Variants in STK4 observed in about 807,000 individuals in gnomAD.
STK4 encodes serine/threonine kinase 4.
In STK4, 30 loss-of-function variants were observed where a neutral mutation model predicts 64.9. That is an observed-to-expected ratio of 0.46 (90% CI 0.35 to 0.63). The LOEUF (loss-of-function observed/expected upper bound fraction) is 0.63. Among genes scored for constraint, STK4 ranks in the 20% least tolerant of loss-of-function variants. STK4 has a pLI of 0.01. For synonymous variants in STK4, 177 were observed against 199.0 expected (o/e 0.89, Z 0.93); for missense variants, 466 against 598.5 (o/e 0.78, Z 2.31).
chr20:45,042,438 C>G (rs1251145485), intron 10 of STK4, among the ~76,000 whole-genome samples: 1 of 152,178 alleles, frequency 6.6e-6, no homozygotes, highest in Non-Finnish European at 1.5e-5. Context: ...AGCCCAGTGC[C>G]TCTGAAAGAA....
At chr20:45,011,063 CCT>C (rs1431964011) in intron 9 of STK4, among the ~76,000 whole-genome samples, 2 of 152,142 alleles carry the variant, frequency 1.3e-5, no homozygotes, top group Non-Finnish European at 1.5e-5. Context: ...ACTTGGAAAA[CCT>C]CTGTCTGGAT....
intron 9 of STK4, among the ~76,000 whole-genome samples, chr20:45,011,026 C>T (rs1601260605): frequency 6.6e-6 from 1 of 152,112 alleles, no homozygotes; most frequent in South Asian, 2.1e-4. Flanking sequence ...CATGTGAGAA[C>T]GAAAGAGGCA....
chr20:45,075,958 C>G lies in STK4; in HGVS notation c.*782C>G, dbSNP rs1708468637. 1 of 152,704 alleles carries G rather than the reference C, an allele frequency of 6.5e-6. No homozygotes were observed. Among genetic ancestry groups the G allele is most frequent in the Non-Finnish European group, 1.5e-5 (1 of 68,086 alleles). The allele number at this position is 152,704 out of a possible 1,614,324, so 9.5% of individuals were successfully genotyped here. ...CTCTCAACTGCCTAAAGTCACAGCA[C>G]AGATACTGCCCAGTGCCTTAAGAGG... On this transcript the variant is annotated 3_prime_UTR_variant, in exon 11 of 11. Transcript: ENST00000372806.
intron 5 of STK4, among the ~76,000 whole-genome samples, chr20:44,989,462 GTTA>G (rs954917620): frequency 3.3e-5 from 5 of 151,998 alleles, no homozygotes; most frequent in Non-Finnish European, 4.4e-5. Flanking sequence ...TATTTACCTT[GTTA>G]TTGTTGAATT....
intron 5 of STK4, among the ~76,000 whole-genome samples, chr20:44,990,595 C>T (rs1037388114): frequency 2.0e-5 from 3 of 152,134 alleles, no homozygotes; most frequent in African/African-American, 7.2e-5. Flanking sequence ...TTGTTGGCAG[C>T]TTTCTGGGAA....
rs71197599 is a variant in STK4 at position 45,062,989 on chromosome 20, C to CTTTTTTTTTTTTTTTTTTTTTTTTTTTT, written c.1306-12026_1306-11999dup. Reference sequence around the variant, plus strand: ...ACAGGTGTGAGCCACCGCACCCGGCCTTTTTTTTTTTTTTTTTTTTTTTTT... The same window carrying CTTTTTTTTTTTTTTTTTTTTTTTTTTTT: ...ACAGGTGTGAGCCACCGCACCCGGCCTTTTTTTTTTTTTTTTTTTTTTTTTTTTTTTTTTTTTTTTTTTTTTTTTTTTT... On this transcript the variant is annotated intron_variant, in intron 10 of 10. Coordinates refer to ENST00000372806, the MANE Select transcript of STK4 (RefSeq NM_006282.5). Among the ~76,000 whole-genome samples the CTTTTTTTTTTTTTTTTTTTTTTTTTTTT allele has an allele frequency of 6.3e-5, 2 of 31,500 alleles. 1 individual carries two copies. Among genetic ancestry groups the CTTTTTTTTTTTTTTTTTTTTTTTTTTTT allele is most frequent in the African/African-American group, 2.8e-4 (2 of 7,160 alleles). 20.7% of individuals were successfully genotyped at this position (31,500 alleles called of 152,430 possible). A position where few individuals can be genotyped will look rare whatever the true frequency, so the allele number is the denominator to read the frequency against.
At position 44,981,875 on chromosome 20, in the gene STK4, T is replaced by C. The variant is rs146109137; in HGVS notation, c.292T>C (p.Leu98=). Residue 98 remains leucine, a synonymous_variant, in exon 4 of 11, where the codon TTA becomes CTA. Transcript: ENST00000372806. ...TGGCAGTTATTTTAAGAACACAGAC[T>C]TATGGATCGTTATGGAGTACTGTGG... ...YYGSYFKNTD[L]WIVMEYCGAG... is the part of the protein sequence containing the mutation. 4.3e-6 allele frequency: 7 copies of C among 1,614,010 alleles called. No individual in the cohort carries two copies. In the African/African-American group the frequency reaches 8.0e-5, roughly 18 times the overall value.
intron 1 of STK4, chr20:44,967,312 C>A: frequency 1.2e-6 from 1 of 847,928 alleles, no homozygotes; most frequent in Non-Finnish European, 1.4e-6. Context: ...GATGGGGAGA[C>A]TGAGGTCCAG....
chr20:44,979,361 G>A (rs1302875624), intron 3 of STK4, among the ~76,000 whole-genome samples: 1 of 152,106 alleles, frequency 6.6e-6, no homozygotes, highest in Non-Finnish European at 1.5e-5. Context: ...TATTCTAGCT[G>A]AGAGTACCTA....
chr20:45,060,313 C>G (rs1436890152), intron 10 of STK4, among the ~76,000 whole-genome samples: 1 of 152,200 alleles, frequency 6.6e-6, no homozygotes, highest in Non-Finnish European at 1.5e-5. Context: ...TTTATTTAAC[C>G]TAATTTGATT....
intron 6 of STK4, among the ~76,000 whole-genome samples, chr20:44,996,298 C>G (rs1254055452): frequency 6.6e-6 from 1 of 152,044 alleles, no homozygotes; most frequent in Non-Finnish European, 1.5e-5. Context: ...CTTAACTGTC[C>G]CAGAACCCTT....
chr20:45,053,072 C>G, intron 10 of STK4: 1 of 1,591,628 alleles, frequency 6.3e-7, no homozygotes, highest in Non-Finnish European at 8.6e-7. Flanking sequence ...AGATTTTGTG[C>G]TCTTTTCTTT....
intron 9 of STK4, among the ~76,000 whole-genome samples, chr20:45,019,577 C>T (rs919699859): frequency 6.6e-6 from 1 of 152,154 alleles, no homozygotes; most frequent in Admixed American, 6.6e-5. Flanking sequence ...TTTAGCTTGA[C>T]AAATGCTGCT....
intron 10 of STK4, among the ~76,000 whole-genome samples, chr20:45,029,647 A>G (rs183582686): frequency 1.3e-5 from 2 of 152,322 alleles, no homozygotes; most frequent in East Asian, 3.9e-4. Flanking sequence ...CAGTGTTAGC[A>G]TCACCTAGAG....
intron 1 of STK4, chr20:44,967,050 C>A: frequency 1.4e-6 from 1 of 694,628 alleles, no homozygotes; most frequent in Non-Finnish European, 1.8e-6. Context: ...TTGAGGGGTG[C>A]GGTGGGGGGA....
chr20:45,065,404 A>C (rs761812921), intron 10 of STK4, among the ~76,000 whole-genome samples: 12 of 151,842 alleles, frequency 7.9e-5, no homozygotes, highest in Non-Finnish European at 1.3e-4. Context: ...AATGGCCTGA[A>C]GTTTTTTTGT....
At chr20:45,003,444 A>G (rs2067877102) in intron 9 of STK4, among the ~76,000 whole-genome samples, 1 of 152,112 alleles carries the variant, frequency 6.6e-6, no homozygotes, top group African/African-American at 2.4e-5. Context: ...GTTTATTTTC[A>G]TTGTCCCTTA....
chr20:44,987,353 C>A, intron 5 of STK4, 57 bp downstream of exon 5: 1 of 1,485,828 alleles, frequency 6.7e-7, no homozygotes, highest in South Asian at 1.3e-5. Context: ...AGAAGCAGTT[C>A]CTTTTATTTA....
chr20:45,061,669 C>T (rs1600559105), intron 10 of STK4, among the ~76,000 whole-genome samples: 1 of 147,990 alleles, frequency 6.8e-6, no homozygotes, highest in Non-Finnish European at 1.5e-5. Flanking sequence ...CTGCATGTCT[C>T]TGAGGTTTGA....
Sources: allele counts gnomAD v4.1 joint callset (sites outside exome capture counted in the v4.1 genomes callset), GRCh38; gene constraint gnomAD v4.1.1; transcripts MANE v1.5; gene names NCBI Gene and HGNC (gene_info 2026-07-23, HGNC 2026-07-21).